The following MYO5A variants were observed in gnomAD, a reference collection of about 807,000 sequenced individuals.
The protein encoded by MYO5A is myosin VA, also known as unconventional myosin-Va.
In MYO5A, 98 loss-of-function variants were observed where a neutral mutation model predicts 249.7. The observed-to-expected ratio is 0.39, with a 90% CI of 0.33 to 0.46. MYO5A has a LOEUF of 0.46. Among genes scored for constraint, MYO5A ranks in the 20% least tolerant of loss-of-function variants. The probability of loss-of-function intolerance (pLI) is 0.98; values close to 1 mark genes in which losing one functional copy is unlikely to be tolerated. For synonymous variants in MYO5A, 778 were observed against 810.6 expected, an observed-to-expected ratio of 0.96 and a Z score of 0.68; for missense variants, 1,696 against 2,308.8, an observed-to-expected ratio of 0.73 and a Z score of 5.44.
chr15:52,375,384 T>C lies in MYO5A; in HGVS notation c.2497A>G (p.Arg833Gly). 6.2e-7 allele frequency: 1 copy of C among 1,614,164 alleles called. No individual in the cohort carries two copies. The highest frequency in any genetic ancestry group is 8.5e-7 in the Non-Finnish European group (1 of 1,179,996). The change falls in exon 20 of 42, where the codon AGG (arginine) becomes GGG (glycine). Residue 833 changes from arginine to glycine, a missense_variant. By Grantham distance (125) the Arg-to-Gly change is moderately radical (BLOSUM62 -2). This residue lies in a region of MYO5A where 412 missense variants were observed against 453.3 expected (regional missense o/e 0.91). Transcript: ENST00000399233. ...KYWRMYVVRR[R>G]YKIRRAATIV... ...GTGGCAGCTCGTCTAATCTTGTACC[T>C]CCTGCGGACCACATACATGCGCCAG...
chr15:52,422,037 A>G (rs2043817295), intron 4 of MYO5A, among the ~76,000 whole-genome samples: 1 of 152,206 alleles, frequency 6.6e-6, no homozygotes, highest in Non-Finnish European at 1.5e-5. Flanking sequence ...ACAACACAAA[A>G]CAAAACAAAA....
At chr15:52,364,405 G>A in intron 24 of MYO5A, 149 bp downstream of exon 24, 3 of 677,640 alleles carry the variant, frequency 4.4e-6, no homozygotes, top group Non-Finnish European at 4.9e-6. Context: ...GTGGGTTGGG[G>A]AGATGGAATG....
At chr15:52,486,569 A>G (rs2076824831) in intron 1 of MYO5A, among the ~76,000 whole-genome samples, 1 of 152,216 alleles carries the variant, frequency 6.6e-6, no homozygotes, top group South Asian at 2.1e-4. Flanking sequence ...TCTAGAAATC[A>G]GACTTTTCCA....
chr15:52,418,730 T>TAGAGAAAG (rs756341040), intron 4 of MYO5A, among the ~76,000 whole-genome samples: 4 of 132,636 alleles, frequency 3.0e-5, no homozygotes, highest in Non-Finnish European at 4.6e-5. Flanking sequence ...AAGAGAGAGA[T>TAGAGAAAG]AGAGAAAGAG....
intron 1 of MYO5A, among the ~76,000 whole-genome samples, chr15:52,522,021 C>T (rs758326881): frequency 1.1e-4 from 17 of 152,194 alleles, no homozygotes; most frequent in Non-Finnish European, 1.9e-4. Context: ...CCGCCTCCCA[C>T]TGAAAATGAA....
chr15:52,493,914 C>T (rs11070899), intron 1 of MYO5A, among the ~76,000 whole-genome samples: 22,848 of 152,036 alleles, frequency 0.15, 1,822 homozygotes, highest in Middle Eastern at 0.22. Flanking sequence ...TTATCTGAAA[C>T]AAAAATATTA....
Position 52,307,468 on chromosome 15 carries a change from C to T in MYO5A, c.*6228G>A, listed in dbSNP as rs2037658316. On this transcript the variant is annotated 3_prime_UTR_variant, in exon 42 of 42. Coordinates refer to ENST00000399233, the MANE Select transcript of MYO5A (RefSeq NM_001382347.1). ...CTAGTGAAAACCCATGTTTCAAAGG[C>T]TTTTGTTGATATGAGATGAATTATT... The T allele has an allele frequency of 6.6e-6, 1 of 152,016 alleles. No individual in the cohort carries two copies. The highest frequency in any genetic ancestry group is 1.5e-5 in the Non-Finnish European group (1 of 67,982). 9.4% of individuals were successfully genotyped at this position (152,016 alleles called of 1,614,324 possible).
chr15:52,399,714 C>T (rs2042660971), intron 9 of MYO5A, among the ~76,000 whole-genome samples: 2 of 151,818 alleles, frequency 1.3e-5, no homozygotes, highest in South Asian at 4.2e-4. Flanking sequence ...TGCACATGTA[C>T]ACAATAAAGG....
intron 1 of MYO5A, among the ~76,000 whole-genome samples, chr15:52,504,947 A>G (rs1035995344): frequency 2.0e-5 from 3 of 152,064 alleles, no homozygotes; most frequent in Admixed American, 1.3e-4. Flanking sequence ...AGGAGTTTGT[A>G]TCCTTAACAA....
In MYO5A at chr15:52,379,679, A is replaced by C. The variant is rs763080608; in HGVS notation, c.2154T>G (p.Asp718Glu). ...SRYRVLMKQK[D>E]VLSDRKQTCK... ...ATGTTTGCTTTCTGTCACTCAGCAC[A>C]TCTTTCTGCTTCATTAGGACACGGT... The change falls in exon 18 of 42, where the codon GAT becomes GAG. Residue 718 changes from aspartate to glutamate, a missense_variant. Transcript: ENST00000399233. The C allele has an allele frequency of 6.2e-7, 1 of 1,614,204 alleles. No homozygotes were observed. Among genetic ancestry groups the C allele is most frequent in the Non-Finnish European group, 8.5e-7 (1 of 1,180,022 alleles).
At chr15:52,462,510 G>A (rs2076272707) in intron 1 of MYO5A, among the ~76,000 whole-genome samples, 1 of 151,912 alleles carries the variant, frequency 6.6e-6, no homozygotes, top group Admixed American at 6.6e-5. Context: ...CCTTGATCAT[G>A]ATAAGACAAT....
chr15:52,444,833 G>A (rs2075855276), intron 1 of MYO5A, among the ~76,000 whole-genome samples: 1 of 152,066 alleles, frequency 6.6e-6, no homozygotes, highest in Non-Finnish European at 1.5e-5. Context: ...AGAAGTCATG[G>A]GTAATTTTTT....
intron 6 of MYO5A, 143 bp downstream of exon 6, chr15:52,410,190 G>A: frequency 9.8e-7 from 1 of 1,023,956 alleles, no homozygotes; most frequent in Non-Finnish European, 1.5e-6. Context: ...CCATTTTACA[G>A]GCTTCAGTCC....
intron 4 of MYO5A, among the ~76,000 whole-genome samples, chr15:52,420,306 CA>C (rs3079056): frequency 0.17 from 21,537 of 124,314 alleles, 1,568 homozygotes; most frequent in Middle Eastern, 0.24. Context: ...CCCTGTATTA[CA>C]AAAAAAAAAA....
intron 1 of MYO5A, among the ~76,000 whole-genome samples, chr15:52,514,406 G>A (rs1425198620): frequency 6.6e-6 from 1 of 152,190 alleles, no homozygotes; most frequent in Non-Finnish European, 1.5e-5. Context: ...AAAGGGTTAG[G>A]ACAGAAGTAA....
intron 29 of MYO5A, 45 bp downstream of exon 29, chr15:52,348,773 G>A (rs760007151): frequency 2.0e-5 from 28 of 1,413,468 alleles, no homozygotes; most frequent in Non-Finnish European, 2.7e-5. Flanking sequence ...CTAAAGTTAG[G>A]ATTAAATAGA....
At chr15:52,419,747 C>T (rs1456281457) in intron 4 of MYO5A, among the ~76,000 whole-genome samples, 1 of 152,120 alleles carries the variant, frequency 6.6e-6, no homozygotes, top group African/African-American at 2.4e-5. Flanking sequence ...TCAAATCAAC[C>T]TGAGTTTTCT....
chr15:52,363,954 A>C (rs148924201), intron 24 of MYO5A, among the ~76,000 whole-genome samples: 95 of 152,288 alleles, frequency 6.2e-4, no homozygotes, highest in African/African-American at 2.2e-3. Context: ...ACAAAGTCCA[A>C]CTGGCCGGGC....
At chr15:52,507,251 G>A (rs2077291678) in intron 1 of MYO5A, among the ~76,000 whole-genome samples, 1 of 152,224 alleles carries the variant, frequency 6.6e-6, no homozygotes, top group African/African-American at 2.4e-5. Context: ...TGCTAATTAT[G>A]CTAGTTAATT....
Sources: gnomAD v4.1 joint callset for allele counts (sites outside exome capture counted in the v4.1 genomes callset) on GRCh38, gnomAD v4.1.1 for gene constraint, gnomAD v4.1.1 regional missense constraint, MANE v1.5 for transcripts, NCBI Gene and HGNC (gene_info 2026-07-23, HGNC 2026-07-21) for gene names.